EXT1: variants seen among roughly 807,000 people sequenced by gnomAD.
The protein encoded by EXT1 is exostosin-1.
Under a neutral mutation model 82.5 loss-of-function variants are expected in EXT1, and 20 were observed. The observed-to-expected ratio is 0.24, with a 90% CI of 0.17 to 0.35. EXT1 has a LOEUF of 0.35. EXT1 is among the 10% of genes least tolerant of loss of function. The probability of loss-of-function intolerance (pLI) is 1.00; values close to 1 mark genes in which losing one functional copy is unlikely to be tolerated. For missense variants in EXT1, 757 were observed against 936.5 expected, an observed-to-expected ratio of 0.81 and a Z score of 2.50; for synonymous variants, 348 against 350.8, an observed-to-expected ratio of 0.99 and a Z score of 0.09.
At chr8:117,981,740 G>A (rs1364563504) in intron 1 of EXT1, among the ~76,000 whole-genome samples, 1 of 151,860 alleles carries the variant, frequency 6.6e-6, no homozygotes, top group Non-Finnish European at 1.5e-5. Flanking sequence ...CTTGGTGGCA[G>A]GCAGGCAGGC....
At chr8:117,811,925 AT>A (rs2129717006) in intron 8 of EXT1, among the ~76,000 whole-genome samples, 1 of 152,220 alleles carries the variant, frequency 6.6e-6, no homozygotes, top group South Asian at 2.1e-4. Context: ...CATCTGTGGA[AT>A]TTCAAGGAGA....
At chr8:118,109,425 AAATG>A (rs1160234623) in intron 1 of EXT1, among the ~76,000 whole-genome samples, 9 of 119,136 alleles carry the variant, frequency 7.6e-5, no homozygotes, top group South Asian at 5.7e-4. Flanking sequence ...ATGAATTAAT[AAATG>A]AATGAATGAA....
At chr8:117,897,587 T>TTCTC (rs1563594515) in intron 1 of EXT1, among the ~76,000 whole-genome samples, 14 of 128,922 alleles carry the variant, frequency 1.1e-4, no homozygotes, top group African/African-American at 3.7e-4. Flanking sequence ...CGGGCTTCTT[T>TTCTC]TCTCTTTTTT....
At chr8:118,031,396 G>A (rs1350024517) in intron 1 of EXT1, among the ~76,000 whole-genome samples, 2 of 151,832 alleles carry the variant, frequency 1.3e-5, no homozygotes, top group African/African-American at 4.8e-5. Flanking sequence ...GTGGTGGCCC[G>A]CACCTGTAAT....
chr8:118,041,719 A>AAGGAAGGAAGGG (rs1563637856), intron 1 of EXT1, among the ~76,000 whole-genome samples: 1 of 151,346 alleles, frequency 6.6e-6, no homozygotes, highest in Non-Finnish European at 1.5e-5. Context: ...GGAAGGAAGG[A>AAGGAAGGAAGGG]AAAAGAAAAG....
chr8:118,012,357 TG>T (rs1248459910), intron 1 of EXT1, among the ~76,000 whole-genome samples: 1 of 152,218 alleles, frequency 6.6e-6, no homozygotes, highest in Non-Finnish European at 1.5e-5. Context: ...CTTCCTAGTT[TG>T]GCACAGGTGT....
At chr8:117,852,011 T>C (rs1242859869) in intron 1 of EXT1, among the ~76,000 whole-genome samples, 1 of 152,254 alleles carries the variant, frequency 6.6e-6, no homozygotes, top group African/African-American at 2.4e-5. Context: ...ACTTATTACA[T>C]GCCCAACTCT....
rs548620664 is a variant in EXT1 at position 117,880,716 on chromosome 8, G to A, written c.963-43515C>T. The stretch of plus-strand genomic sequence containing the variant: ...AGCAATTCTCCTGCCTCAGCCTCCC[G>A]AGTAGGTGGGACTACAGGCGCCCGC... On this transcript the variant is annotated intron_variant, in intron 1 of 10. Coordinates refer to ENST00000378204, the MANE Select transcript of EXT1 (RefSeq NM_000127.3). 9.3e-5 allele frequency among the ~76,000 whole-genome samples: 14 copies of A among 151,056 alleles called. No homozygotes were observed. The East Asian group carries it at 2.0e-3, about 21-fold the overall frequency.
At chr8:117,889,124 G>A (rs1202826504) in intron 1 of EXT1, among the ~76,000 whole-genome samples, 1 of 152,148 alleles carries the variant, frequency 6.6e-6, no homozygotes, top group Non-Finnish European at 1.5e-5. Flanking sequence ...AGCTGGGGCA[G>A]CTATCTTGGA....
At chr8:117,827,773 A>C (rs1371815680) in intron 4 of EXT1, among the ~76,000 whole-genome samples, 1 of 112,220 alleles carries the variant, frequency 8.9e-6, no homozygotes, top group African/African-American at 3.3e-5. Flanking sequence ...GGACAGGGTG[A>C]GACTCTGTCT....
intron 4 of EXT1, among the ~76,000 whole-genome samples, chr8:117,828,417 C>T (rs988667645): frequency 3.3e-5 from 5 of 152,036 alleles, no homozygotes; most frequent in African/African-American, 7.2e-5. Context: ...GGCACAGTAG[C>T]TCGCGCCCAT....
At chr8:118,045,673 C>T (rs528649830) in intron 1 of EXT1, among the ~76,000 whole-genome samples, 1 of 152,076 alleles carries the variant, frequency 6.6e-6, no homozygotes, top group African/African-American at 2.4e-5. Context: ...CCTCCTCCCA[C>T]CTGCCACCAC....
chr8:117,864,475 A>C (rs1375700958), intron 1 of EXT1, among the ~76,000 whole-genome samples: 1 of 152,164 alleles, frequency 6.6e-6, no homozygotes, highest in African/African-American at 2.4e-5. Flanking sequence ...CGCGATCAGG[A>C]GCAGTGGCTC....
At chr8:118,014,890 C>T (rs188235385) in intron 1 of EXT1, among the ~76,000 whole-genome samples, 2 of 152,218 alleles carry the variant, frequency 1.3e-5, no homozygotes, top group Admixed American at 6.5e-5. Flanking sequence ...GGGATGGGAA[C>T]GGTGAATTCC....
Position 118,040,352 on chromosome 8 carries a change from G to A in EXT1, c.962+69733C>T, listed in dbSNP as rs1034559602. On this transcript the variant is annotated intron_variant, in intron 1 of 10. Coordinates refer to ENST00000378204, the MANE Select transcript of EXT1 (RefSeq NM_000127.3). ...TTTTGGTTACCTGGGAGATGGGGTG[G>A]GAAGAAATTTGAGGTATCTGTTTGG... Among the ~76,000 whole-genome samples, 11 of 152,106 alleles carry A rather than the reference G, an allele frequency of 7.2e-5. No individual in the cohort carries two copies. The South Asian group carries it at 1.9e-3, about 26-fold the overall frequency.
intron 1 of EXT1, among the ~76,000 whole-genome samples, chr8:117,945,671 T>A (rs1408877895): frequency 6.6e-6 from 1 of 151,876 alleles, no homozygotes; most frequent in African/African-American, 2.4e-5. Flanking sequence ...CCAGCTAATT[T>A]TTGTATTTTT....
At chr8:117,942,412 T>C (rs1306516148) in intron 1 of EXT1, among the ~76,000 whole-genome samples, 1 of 152,118 alleles carries the variant, frequency 6.6e-6, no homozygotes, top group Non-Finnish European at 1.5e-5. Flanking sequence ...GAGTAAATGA[T>C]AAGAAAATTA....
chr8:117,906,663 C>T (rs1232012887), intron 1 of EXT1, among the ~76,000 whole-genome samples: 1 of 152,154 alleles, frequency 6.6e-6, no homozygotes, highest in African/African-American at 2.4e-5. Flanking sequence ...TTCTAACACA[C>T]AACTAGTATA....
chr8:117,862,797 A>T (rs1812708339), intron 1 of EXT1, among the ~76,000 whole-genome samples: 1 of 145,528 alleles, frequency 6.9e-6, no homozygotes, highest in Non-Finnish European at 1.5e-5. Flanking sequence ...TGGGGTGCTC[A>T]GAAATGCCCT....
Sources: gnomAD v4.1 joint callset for allele counts (sites outside exome capture counted in the v4.1 genomes callset) on GRCh38, gnomAD v4.1.1 for gene constraint, MANE v1.5 for transcripts, NCBI Gene and HGNC (gene_info 2026-07-23, HGNC 2026-07-21) for gene names.